KIAA1755: variants seen among roughly 807,000 people sequenced by gnomAD.
KIAA1755 encodes uncharacterized protein KIAA1755.
A neutral mutation model predicts 91.7 loss-of-function variants in KIAA1755; 68 were observed. That is an observed-to-expected ratio of 0.74 (90% CI 0.61 to 0.91). The LOEUF is 0.91. Among genes scored for constraint, KIAA1755 ranks in the 40% least tolerant of loss-of-function variants. KIAA1755 has a pLI of 0.00. For synonymous variants in KIAA1755, 610 were observed against 604.6 expected, an observed-to-expected ratio of 1.01 and a Z score of -0.13; for missense variants, 1,535 against 1,494.4, an observed-to-expected ratio of 1.03 and a Z score of -0.45.
intron 1 of KIAA1755, among the ~76,000 whole-genome samples, chr20:38,259,853 C>T (rs1345987243): frequency 4.7e-5 from 7 of 147,582 alleles, no homozygotes; most frequent in African/African-American, 1.3e-4. Flanking sequence ...CACACACACA[C>T]ATTCTCCCAG....
intron 4 of KIAA1755, among the ~76,000 whole-genome samples, chr20:38,232,453 C>T (rs957252527): frequency 2.6e-5 from 4 of 151,814 alleles, no homozygotes; most frequent in Non-Finnish European, 4.4e-5. Flanking sequence ...GGTGAAACCC[C>T]GTCTCTACTA....
At chr20:38,254,201 A>C (rs1266017784) in intron 1 of KIAA1755, among the ~76,000 whole-genome samples, 2 of 152,298 alleles carry the variant, frequency 1.3e-5, no homozygotes, top group East Asian at 3.9e-4. Context: ...AGCTTTTCTT[A>C]AAGGTCCAGA....
At chr20:38,252,856 G>A (rs1600659881) in intron 1 of KIAA1755, among the ~76,000 whole-genome samples, 1 of 152,172 alleles carries the variant, frequency 6.6e-6, no homozygotes, top group East Asian at 1.9e-4. Flanking sequence ...GGGCTCATAA[G>A]CCATCCAAGT....
chr20:38,257,666 T>C (rs1008792513), intron 1 of KIAA1755, among the ~76,000 whole-genome samples: 1 of 151,820 alleles, frequency 6.6e-6, no homozygotes, highest in Non-Finnish European at 1.5e-5. Context: ...CATAGATTGA[T>C]GTGAAATCAC....
At position 38,240,681 on chromosome 20, in the gene KIAA1755, C is replaced by G; in HGVS notation, c.1450G>C (p.Val484Leu). ...SFLRGQRQPS[V>L]TPEKASLQHN... ...TGGAGTGAGGCTTTCTCCGGGGTCA[C>G]AGAGGGTTGCCTCTGCCCTCTCAAG... The change falls in exon 3 of 14, where the codon GTG (valine) becomes CTG (leucine). Residue 484 changes from valine (V) to leucine (L), a missense_variant. By Grantham distance (32) the Val-to-Leu change is conservative (BLOSUM62 1). Transcript: ENST00000279024. 6.4e-7 allele frequency: 1 copy of G among 1,553,710 alleles called. No individual in the cohort carries two copies. The highest frequency in any genetic ancestry group is 8.7e-7 in the Non-Finnish European group (1 of 1,151,414).
Position 38,245,969 on chromosome 20 carries a change from G to A in KIAA1755, c.161C>T (p.Pro54Leu). The part of the protein sequence containing the change: ...GLSFLLDFLI[P>L]AKRLCEQVRE... ...CACTTGCTCACACAGGCGCTTGGCA[G>A]GGATCAGGAAATCCAGAAGGAAGCT... Residue 54 changes from proline to leucine, a missense_variant, in exon 2 of 14, where the codon CCT becomes CTT. Coordinates refer to ENST00000279024, the MANE Select transcript of KIAA1755 (RefSeq NM_001029864.2). 1.2e-6 allele frequency: 2 copies of A among 1,614,182 alleles called. No individual in the cohort carries two copies. Among genetic ancestry groups the A allele is most frequent in the Admixed American group, 1.7e-5 (1 of 60,018 alleles).
rs749901860 is a variant in KIAA1755, at chr20:38,241,846, G to A, written c.285C>T (p.Leu95=). 11 of 1,614,040 alleles carry A rather than the reference G, an allele frequency of 6.8e-6. No homozygotes were observed. The South Asian group carries it at 9.9e-5, about 14-fold the overall frequency. ...RDEVVVHLAP[L]NPLLLRQGDF... ...CACCCTGGCGCAATAAGAGAGGGTT[G>A]AGGGGTGCCAAGTGGACCACAACTT... Residue 95 remains leucine (L), a synonymous_variant, in exon 3 of 14, where the codon CTC becomes CTT. Transcript: ENST00000279024.
At chr20:38,238,428 A>G (rs1316346556) in intron 4 of KIAA1755, among the ~76,000 whole-genome samples, 1 of 152,174 alleles carries the variant, frequency 6.6e-6, no homozygotes, top group Admixed American at 6.5e-5. Context: ...TTGTCTCTGG[A>G]CCTTTGCACA....
In KIAA1755 at chr20:38,250,357, G is replaced by A. The variant is rs551517849; in HGVS notation, c.4-4231C>T. 1.1e-3 allele frequency among the ~76,000 whole-genome samples: 166 copies of A among 152,210 alleles called. 1 individual carries two copies. The highest frequency in any genetic ancestry group is 2.0e-3 in the Non-Finnish European group (133 of 68,016). ...GTAATTACACCCACCTTAAGGAGTT[G>A]ATCAAGATTGGGTGTATTGAGGTAA... is the stretch of plus-strand genomic sequence containing the variant. On this transcript the variant is annotated intron_variant, in intron 1 of 13. Transcript: ENST00000279024.
rs2075593989 is a variant in KIAA1755, at chr20:38,218,514, C to T, written c.2557-148G>A. On this transcript the variant is annotated intron_variant, in intron 11 of 13. Coordinates refer to ENST00000279024, the MANE Select transcript of KIAA1755 (RefSeq NM_001029864.2). ...CCACTGGCTTGGACTGAAATTCTCC[C>T]AATTCTGGGCGTGGGAAGAAATGAC... The T allele has an allele frequency of 5.4e-6, 6 of 1,110,336 alleles. No homozygotes were observed. In the Admixed American group the frequency reaches 8.3e-5, roughly 15 times the overall value. The allele number at this position is 1,110,336 out of a possible 1,614,324, so 68.8% of individuals were successfully genotyped here. A position where few individuals can be genotyped will look rare whatever the true frequency, so the allele number is the denominator to read the frequency against.
At chr20:38,231,027 G>A (rs540141931) in intron 5 of KIAA1755, among the ~76,000 whole-genome samples, 175 bp downstream of exon 5, 8 of 152,230 alleles carry the variant, frequency 5.3e-5, no homozygotes, top group South Asian at 2.1e-4. Flanking sequence ...ACAACCCCCC[G>A]ATGGCAGGGA....
Position 38,211,533 on chromosome 20 carries a change from C to T in KIAA1755, c.*1509G>A, listed in dbSNP as rs1296939605. ...CAGATAGGCCCCTTCCCACGGTCCC[C>T]AACCACCAGGACCCAGCTGCCCACA... On this transcript the variant is annotated 3_prime_UTR_variant, in exon 14 of 14. Coordinates refer to ENST00000279024, the MANE Select transcript of KIAA1755 (RefSeq NM_001029864.2). The T allele has an allele frequency of 2.0e-5, 3 of 152,464 alleles. No homozygotes were observed. Among genetic ancestry groups the T allele is most frequent in the Non-Finnish European group, 2.9e-5 (2 of 68,244 alleles). The allele number at this position is 152,464 out of a possible 1,614,324, so 9.4% of individuals were successfully genotyped here.
intron 4 of KIAA1755, among the ~76,000 whole-genome samples, chr20:38,237,469 G>T (rs1004790371): frequency 6.6e-6 from 1 of 152,124 alleles, no homozygotes; most frequent in Non-Finnish European, 1.5e-5. Flanking sequence ...GAAGGTGGAA[G>T]AGGAAAGCAA....
In KIAA1755 at chr20:38,212,895, G is replaced by T; in HGVS notation, c.*147C>A. ...TTCTGGAGCCAGGGGCAGGTCGACAGTTCTCATCCTCCCAGCAGAGGCAGA... is the reference window on the plus strand; with the variant it reads ...TTCTGGAGCCAGGGGCAGGTCGACATTTCTCATCCTCCCAGCAGAGGCAGA... On this transcript the variant is annotated 3_prime_UTR_variant, in exon 14 of 14. Coordinates refer to ENST00000279024, the MANE Select transcript of KIAA1755 (RefSeq NM_001029864.2). 1.6e-6 allele frequency: 1 copy of T among 635,508 alleles called. No individual in the cohort carries two copies. The highest frequency in any genetic ancestry group is 2.6e-6 in the Non-Finnish European group (1 of 384,780). 39.4% of individuals were successfully genotyped at this position (635,508 alleles called of 1,614,324 possible). A position where few individuals can be genotyped will look rare whatever the true frequency, so the allele number is the denominator to read the frequency against.
chr20:38,260,507 G>T lies in KIAA1755; in HGVS notation c.-7C>A. ...GGCCTTGGCGCGTTACCATGGTGAC[G>T]GGCTGCCAGCGGCGGGCGGCGCGGC... is the stretch of plus-strand genomic sequence containing the variant. On this transcript the variant is annotated 5_prime_UTR_variant, in exon 1 of 14. Coordinates refer to ENST00000279024, the MANE Select transcript of KIAA1755 (RefSeq NM_001029864.2). The T allele has an allele frequency of 6.8e-7, 1 of 1,480,806 alleles. No individual in the cohort carries two copies. The highest frequency in any genetic ancestry group is 8.9e-7 in the Non-Finnish European group (1 of 1,117,700). 91.7% of individuals were successfully genotyped at this position (1,480,806 alleles called of 1,614,324 possible).
Position 38,231,468 on chromosome 20 carries a change from C to A in KIAA1755, c.1748-143G>T, listed in dbSNP as rs2075862984. 5 of 971,940 alleles carry A rather than the reference C, an allele frequency of 5.1e-6. No homozygotes were observed. In the South Asian group the frequency reaches 7.2e-5, roughly 14 times the overall value. 60.2% of individuals were successfully genotyped at this position (971,940 alleles called of 1,614,324 possible). On this transcript the variant is annotated intron_variant, in intron 4 of 13. Transcript: ENST00000279024. Reference sequence around the variant, plus strand: ...CTCCTTCTCCTTCTGTGAACTCTGACTTCTACTTATCCTTCAAGACCCAGC... The same window carrying A: ...CTCCTTCTCCTTCTGTGAACTCTGAATTCTACTTATCCTTCAAGACCCAGC...
At position 38,213,856 on chromosome 20, in the gene KIAA1755, T is replaced by C. The variant is rs1037650386; in HGVS notation, c.2902-113A>G. 1.1e-5 allele frequency: 8 copies of C among 698,060 alleles called. No individual in the cohort carries two copies. The African/African-American group carries it at 1.2e-4, about 11-fold the overall frequency. The allele number at this position is 698,060 out of a possible 1,614,324, so 43.2% of individuals were successfully genotyped here. A position where few individuals can be genotyped will look rare whatever the true frequency, so the allele number is the denominator to read the frequency against. On this transcript the variant is annotated intron_variant, in intron 13 of 13. Coordinates refer to ENST00000279024, the MANE Select transcript of KIAA1755 (RefSeq NM_001029864.2). ...CCCGCTCAGCTTGGCCATGATCTTC[T>C]CCACTGACCATGATGACCCTGGTTT...
chr20:38,213,647 G>T lies in KIAA1755; in HGVS notation c.2998C>A (p.Arg1000Ser), dbSNP rs199872523. The T allele has an allele frequency of 6.2e-7, 1 of 1,609,126 alleles. No homozygotes were observed. Among genetic ancestry groups the T allele is most frequent in the South Asian group, 1.1e-5 (1 of 90,402 alleles). ...VSPGDQRRLH[R>S]YLQRLASEFP... ...TCAGATGCCAGTCGCTGCAGGTAGC[G>T]GTGGAGGCGGCGCTGGTCCCCAGGA... is the stretch of plus-strand genomic sequence containing the variant. Residue 1000 changes from arginine (R) to serine (S), a missense_variant, in exon 14 of 14, where the codon CGC (arginine) becomes AGC (serine). Arg to Ser is a moderately radical substitution (Grantham distance 110). Transcript: ENST00000279024.
chr20:38,216,984 C>T (rs2075555528), intron 13 of KIAA1755: 2 of 671,128 alleles, frequency 3.0e-6, no homozygotes, highest in Non-Finnish European at 2.7e-6. Flanking sequence ...TCCCCTTCCT[C>T]TGTTTTTTTC....
Sources: allele counts gnomAD v4.1 joint callset (sites outside exome capture counted in the v4.1 genomes callset), GRCh38; gene constraint gnomAD v4.1.1; transcripts MANE v1.5; gene names NCBI Gene and HGNC (gene_info 2026-07-23, HGNC 2026-07-21).